CNBD1: variants seen among roughly 807,000 people sequenced by gnomAD.
CNBD1 encodes cyclic nucleotide binding domain containing 1.
In CNBD1, 71 loss-of-function variants were observed where a neutral mutation model predicts 54.4. The observed-to-expected ratio is 1.30, with a 90% CI of 1.08 to 1.59. The LOEUF (loss-of-function observed/expected upper bound fraction) is 1.59. CNBD1 is among the 40% of genes most tolerant of loss of function. The pLI is 0.00. For synonymous variants in CNBD1, 182 were observed against 170.7 expected, an observed-to-expected ratio of 1.07 and a Z score of -0.51; for missense variants, 659 against 518.0, an observed-to-expected ratio of 1.27 and a Z score of -2.64.
At chr8:87,271,873 T>A (rs1251540496) in intron 6 of CNBD1, among the ~76,000 whole-genome samples, 2 of 151,380 alleles carry the variant, frequency 1.3e-5, no homozygotes, top group Non-Finnish European at 2.9e-5. Flanking sequence ...CATCAATGGA[T>A]GAATGAATAA....
intron 10 of CNBD1, among the ~76,000 whole-genome samples, chr8:87,371,114 T>C (rs1810779407): frequency 6.6e-6 from 1 of 151,746 alleles, no homozygotes; most frequent in Admixed American, 6.6e-5. Flanking sequence ...AGTACCATGC[T>C]GTTTTGGTTA....
chr8:87,286,647 T>C lies in CNBD1; in HGVS notation c.1018T>C (p.Trp340Arg). ...ATATGAGCTAATTGCACTCCTTAAA[T>C]GGAAAAAATTTCCTCCAGGTCATGG... is the stretch of plus-strand genomic sequence containing the variant. ...SIYELIALLK[W>R]KKFPPGHVIV... is the part of the protein sequence containing the mutation. The change falls in exon 8 of 11, where the codon TGG (tryptophan) becomes CGG (arginine). Residue 340 changes from tryptophan to arginine, a missense_variant. Trp to Arg is a moderately radical substitution (Grantham distance 101, BLOSUM62 -3). Coordinates refer to ENST00000518476, the MANE Select transcript of CNBD1 (RefSeq NM_173538.3). 1 of 1,542,464 alleles carries C rather than the reference T, an allele frequency of 6.5e-7. No individual in the cohort carries two copies. The highest frequency in any genetic ancestry group is 8.8e-7 in the Non-Finnish European group (1 of 1,139,940).
chr8:87,263,126 G>A (rs1036494783), intron 6 of CNBD1, among the ~76,000 whole-genome samples: 1 of 152,030 alleles, frequency 6.6e-6, no homozygotes, highest in Non-Finnish European at 1.5e-5. Context: ...AATTGTGATG[G>A]TATTATATAT....
intron 4 of CNBD1, among the ~76,000 whole-genome samples, chr8:87,043,940 G>C (rs1055749105): frequency 6.6e-6 from 1 of 152,102 alleles, no homozygotes; most frequent in Non-Finnish European, 1.5e-5. Context: ...CTTCCTCTCT[G>C]TGATATTTTA....
chr8:87,143,471 T>C (rs1281532757), intron 4 of CNBD1, among the ~76,000 whole-genome samples: 1 of 152,204 alleles, frequency 6.6e-6, no homozygotes, highest in Non-Finnish European at 1.5e-5. Flanking sequence ...TTTCCATTTA[T>C]ATCAGTCTGA....
intron 4 of CNBD1, among the ~76,000 whole-genome samples, chr8:87,092,513 GTGTA>G (rs1164902928): frequency 1.4e-5 from 2 of 141,722 alleles, no homozygotes; most frequent in African/African-American, 5.8e-5. Flanking sequence ...ATGTGTGTGT[GTGTA>G]TGTGTGTGTA....
At chr8:87,036,298 G>A (rs1809942100) in intron 4 of CNBD1, among the ~76,000 whole-genome samples, 1 of 152,096 alleles carries the variant, frequency 6.6e-6, no homozygotes, top group East Asian at 1.9e-4. Context: ...TTTTTACAGA[G>A]TAAAGATTGG....
At chr8:87,020,067 T>C (rs945234745) in intron 4 of CNBD1, among the ~76,000 whole-genome samples, 3 of 152,192 alleles carry the variant, frequency 2.0e-5, no homozygotes, top group Admixed American at 1.3e-4. Flanking sequence ...CCTCTATTTC[T>C]ACCTGTAACC....
At chr8:87,294,740 C>T (rs1203344225) in intron 8 of CNBD1, among the ~76,000 whole-genome samples, 1 of 152,160 alleles carries the variant, frequency 6.6e-6, no homozygotes. Flanking sequence ...TTGACTACTG[C>T]CATCTGCAAA....
At chr8:87,248,864 G>A (rs1807858739) in intron 6 of CNBD1, among the ~76,000 whole-genome samples, 1 of 152,118 alleles carries the variant, frequency 6.6e-6, no homozygotes, top group African/African-American at 2.4e-5. Flanking sequence ...ACACAGTGCA[G>A]GAAAGAGGCG....
At chr8:87,404,033 G>T (rs1366604812) in intron 2 of CNBD1, among the ~76,000 whole-genome samples, 2 of 152,044 alleles carry the variant, frequency 1.3e-5, no homozygotes, top group Non-Finnish European at 2.9e-5. Flanking sequence ...TTAGAGAGAG[G>T]TTTGCTGCAT....
intron 4 of CNBD1, among the ~76,000 whole-genome samples, chr8:86,960,661 A>T (rs971659581): frequency 9.8e-5 from 15 of 152,290 alleles, no homozygotes; most frequent in Middle Eastern, 6.8e-3. Flanking sequence ...GGAGCTGGAG[A>T]TCTGAGAATG....
chr8:87,099,162 A>C (rs1811380870), intron 4 of CNBD1, among the ~76,000 whole-genome samples: 1 of 151,694 alleles, frequency 6.6e-6, no homozygotes, highest in South Asian at 2.1e-4. Flanking sequence ...TATCAGCGCT[A>C]TTGTAGAAAA....
At chr8:87,301,832 A>T (rs1474677867) in intron 8 of CNBD1, among the ~76,000 whole-genome samples, 1 of 152,198 alleles carries the variant, frequency 6.6e-6, no homozygotes, top group Non-Finnish European at 1.5e-5. Context: ...CAGAAATACA[A>T]ACTACCATCA....
intron 4 of CNBD1, among the ~76,000 whole-genome samples, chr8:86,959,729 T>G (rs527250392): frequency 6.6e-6 from 1 of 152,286 alleles, no homozygotes. Flanking sequence ...TCTATGCTGT[T>G]TATTCTAGTT....
intron 10 of CNBD1, among the ~76,000 whole-genome samples, chr8:87,361,292 A>G (rs982219448): frequency 6.6e-6 from 1 of 151,932 alleles, no homozygotes; most frequent in African/African-American, 2.4e-5. Flanking sequence ...ATGTTTTTTG[A>G]GGAAAAAATA....
At chr8:87,281,363 A>C (rs1327632032) in intron 6 of CNBD1, among the ~76,000 whole-genome samples, 3 of 151,204 alleles carry the variant, frequency 2.0e-5, no homozygotes, top group East Asian at 2.0e-4. Flanking sequence ...TCCCCTGAAC[A>C]TATGAACCAT....
At position 87,081,436 on chromosome 8, in the gene CNBD1, A is replaced by AT. The variant is rs569403333; in HGVS notation, c.432-124556dup. Among the ~76,000 whole-genome samples, 172 of 151,704 alleles carry AT rather than the reference A, an allele frequency of 1.1e-3. 1 individual carries two copies. The Middle Eastern group carries it at 0.021, about 19-fold the overall frequency. ...CCTACAATATCAATTATCTTAGTGA[A>AT]TGTACCATGTGCATTTGAAAAAACA... On this transcript the variant is annotated intron_variant, in intron 4 of 10. Coordinates refer to ENST00000518476, the MANE Select transcript of CNBD1 (RefSeq NM_173538.3).
chr8:87,015,476 T>G (rs1365357534), intron 4 of CNBD1, among the ~76,000 whole-genome samples: 1 of 152,070 alleles, frequency 6.6e-6, no homozygotes, highest in Non-Finnish European at 1.5e-5. Context: ...TGATCCATCA[T>G]GCCCAGCGAA....
Sources: gnomAD v4.1 joint callset for allele counts (sites outside exome capture counted in the v4.1 genomes callset) on GRCh38, gnomAD v4.1.1 for gene constraint, MANE v1.5 for transcripts, NCBI Gene and HGNC (gene_info 2026-07-23, HGNC 2026-07-21) for gene names.